Variants in NTRK3 observed in about 807,000 individuals in gnomAD.
NTRK3 encodes the protein neurotrophic receptor tyrosine kinase 3.
Under a neutral mutation model 91.7 loss-of-function variants are expected in NTRK3, and 24 were observed. The ratio of observed to expected loss-of-function variants is 0.26; its 90% CI spans 0.19 to 0.37. The LOEUF (loss-of-function observed/expected upper bound fraction) is 0.37. NTRK3 is among the 10% of genes least tolerant of loss of function. NTRK3 has a pLI of 1.00. For missense variants in NTRK3, 880 were observed against 1,068.9 expected (o/e 0.82, Z 2.46); for synonymous variants, 483 against 404.0 (o/e 1.20, Z -2.34).
At chr15:88,131,233 C>G (rs2041308293) in intron 10 of NTRK3, among the ~76,000 whole-genome samples, 1 of 152,152 alleles carries the variant, frequency 6.6e-6, no homozygotes, top group African/African-American at 2.4e-5. Flanking sequence ...GCCCACCATG[C>G]CCTGAAAAGT....
intron 17 of NTRK3, among the ~76,000 whole-genome samples, chr15:87,909,305 C>G (rs1242117347): frequency 1.3e-5 from 2 of 152,116 alleles, no homozygotes; most frequent in Non-Finnish European, 2.9e-5. Flanking sequence ...AGGAGGGACT[C>G]ACAGTAACTT....
rs146871381 is a variant in NTRK3, at chr15:88,134,753, T to G, written c.1204+348A>C. Among the ~76,000 whole-genome samples, 5 of 152,330 alleles carry G rather than the reference T, an allele frequency of 3.3e-5. No individual in the cohort carries two copies. The East Asian group carries it at 9.6e-4, about 29-fold the overall frequency. On this transcript the variant is annotated intron_variant, in intron 10 of 18. Coordinates refer to ENST00000394480, the Ensembl canonical transcript of NTRK3. ...ATTTCATAGAAAAGGAAATTGATGC[T>G]TAGAAAAGCAAACTATCAGGCCCAG...
chr15:87,914,428 T>C (rs2067304977), intron 17 of NTRK3, among the ~76,000 whole-genome samples: 1 of 152,192 alleles, frequency 6.6e-6, no homozygotes, highest in South Asian at 2.1e-4. Context: ...AGTCCCCACA[T>C]ACTGACCACT....
intron 17 of NTRK3, among the ~76,000 whole-genome samples, chr15:87,894,698 C>T (rs528914551): frequency 6.6e-6 from 1 of 152,268 alleles, no homozygotes; most frequent in South Asian, 2.1e-4. Context: ...CTCACTGCCC[C>T]CCTTCTCCAA....
At chr15:88,028,131 A>C (rs1485131536) in intron 14 of NTRK3, among the ~76,000 whole-genome samples, 1 of 151,828 alleles carries the variant, frequency 6.6e-6, no homozygotes, top group African/African-American at 2.4e-5. Flanking sequence ...CTGGTGAGTC[A>C]TCAGCAGAAA....
intron 13 of NTRK3, among the ~76,000 whole-genome samples, chr15:88,059,678 G>C (rs2046032541): frequency 1.3e-5 from 2 of 152,154 alleles, no homozygotes; most frequent in South Asian, 4.1e-4. Context: ...TCTACCCAGA[G>C]CTATGGTCGG....
chr15:87,953,755 T>C (rs1426707613), intron 14 of NTRK3, among the ~76,000 whole-genome samples: 1 of 152,128 alleles, frequency 6.6e-6, no homozygotes, highest in African/African-American at 2.4e-5. Flanking sequence ...TCCCCTTTCT[T>C]ATCAGCCTGG....
At chr15:88,082,559 T>C (rs2048149931) in intron 13 of NTRK3, among the ~76,000 whole-genome samples, 1 of 152,190 alleles carries the variant, frequency 6.6e-6, no homozygotes, top group African/African-American at 2.4e-5. Flanking sequence ...TCCATCCACA[T>C]TGATTAGTTT....
At chr15:88,205,099 G>A (rs2048627469) in intron 3 of NTRK3, among the ~76,000 whole-genome samples, 2 of 152,160 alleles carry the variant, frequency 1.3e-5, no homozygotes, top group Admixed American at 1.3e-4. Flanking sequence ...AACAATCCAG[G>A]GCTGACAGTG....
chr15:88,039,474 G>T (rs897615560), intron 13 of NTRK3, among the ~76,000 whole-genome samples: 9 of 152,076 alleles, frequency 5.9e-5, no homozygotes, highest in Admixed American at 2.6e-4. Flanking sequence ...GAAACTCGAT[G>T]GCCCTGACAG....
chr15:88,093,365 A>AG (rs1597266738), intron 13 of NTRK3, among the ~76,000 whole-genome samples: 1 of 152,242 alleles, frequency 6.6e-6, no homozygotes, highest in East Asian at 1.9e-4. Flanking sequence ...TTTCAATCTT[A>AG]GGGTAGCATG....
At chr15:88,149,446 C>G (rs1439812681) in intron 5 of NTRK3, among the ~76,000 whole-genome samples, 6 of 152,182 alleles carry the variant, frequency 3.9e-5, no homozygotes, top group African/African-American at 7.2e-5. Flanking sequence ...CCCCATGGCC[C>G]TACACTGTCA....
intron 13 of NTRK3, among the ~76,000 whole-genome samples, chr15:88,053,213 G>A (rs1028655098): frequency 6.6e-6 from 1 of 152,180 alleles, no homozygotes; most frequent in Non-Finnish European, 1.5e-5. Context: ...ACAAAGGAAG[G>A]TGCAGCAGGG....
chr15:87,994,006 T>C (rs985461316), intron 14 of NTRK3, among the ~76,000 whole-genome samples: 1 of 152,120 alleles, frequency 6.6e-6, no homozygotes, highest in African/African-American at 2.4e-5. Context: ...GGAAGTTTAG[T>C]CATGGGGTCC....
At chr15:87,947,885 A>G (rs2142085943) in intron 14 of NTRK3, among the ~76,000 whole-genome samples, 1 of 152,240 alleles carries the variant, frequency 6.6e-6, no homozygotes, top group African/African-American at 2.4e-5. Context: ...TGGGAGCTCC[A>G]ACTCTGGGTG....
intron 17 of NTRK3, among the ~76,000 whole-genome samples, chr15:87,882,097 C>G (rs1327208109): frequency 6.6e-6 from 1 of 151,908 alleles, no homozygotes; most frequent in Non-Finnish European, 1.5e-5. Flanking sequence ...GGTTTCACCG[C>G]ATTGGTCAGG....
At chr15:88,028,372 A>G (rs1052859537) in intron 14 of NTRK3, among the ~76,000 whole-genome samples, 11 of 152,224 alleles carry the variant, frequency 7.2e-5, no homozygotes, top group Non-Finnish European at 1.2e-4. Flanking sequence ...GGGAAAAATC[A>G]GCACAGTGGA....
At chr15:88,069,029 T>C (rs2046890324) in intron 13 of NTRK3, among the ~76,000 whole-genome samples, 1 of 152,184 alleles carries the variant, frequency 6.6e-6, no homozygotes, top group Admixed American at 6.5e-5. Context: ...TATGGGGCTG[T>C]AATGGAGTGT....
rs567685939 is a variant in NTRK3 at position 88,176,927 on chromosome 15, C to T, written c.395+6491G>A. Among the ~76,000 whole-genome samples, 14 of 152,256 alleles carry T rather than the reference C, an allele frequency of 9.2e-5. No homozygotes were observed. In the South Asian group the frequency reaches 2.9e-3, roughly 32 times the overall value. On this transcript the variant is annotated intron_variant, in intron 5 of 18. Transcript: ENST00000394480. ...GATCTATTTGTAAGGAGAAGGAAGG[C>T]CACAAAGTTTGAGTAGTCAAGGGAG...
Sources: allele counts gnomAD v4.1 joint callset (sites outside exome capture counted in the v4.1 genomes callset), GRCh38; gene constraint gnomAD v4.1.1; transcripts MANE v1.5; gene names NCBI Gene and HGNC (gene_info 2026-07-23, HGNC 2026-07-21).